The following ARRB1 variants were observed in gnomAD, a reference collection of about 807,000 sequenced individuals.
The protein encoded by ARRB1 is arrestin beta 1, also known as beta-arrestin-1.
Under a neutral mutation model 56.8 loss-of-function variants are expected in ARRB1, and 21 were observed. The ratio of observed to expected loss-of-function variants is 0.37; its 90% CI spans 0.26 to 0.53. The LOEUF (loss-of-function observed/expected upper bound fraction) is 0.53. Among genes scored for constraint, ARRB1 ranks in the 20% least tolerant of loss-of-function variants. The probability of loss-of-function intolerance (pLI) is 0.88; values close to 1 mark genes in which losing one functional copy is unlikely to be tolerated. For synonymous variants in ARRB1, 210 were observed against 218.6 expected (o/e 0.96, Z 0.35); for missense variants, 424 against 553.7 (o/e 0.77, Z 2.35).
intron 1 of ARRB1, among the ~76,000 whole-genome samples, chr11:75,294,533 G>A (rs1392004285): frequency 6.7e-6 from 1 of 150,178 alleles, no homozygotes; most frequent in African/African-American, 2.5e-5. Context: ...CTCCAGCCTG[G>A]GCAACAGAGC....
At chr11:75,339,560 T>C (rs1457401888) in intron 1 of ARRB1, among the ~76,000 whole-genome samples, 3 of 152,228 alleles carry the variant, frequency 2.0e-5, no homozygotes, top group Non-Finnish European at 4.4e-5. Flanking sequence ...GGAAGAGTAC[T>C]ACCTCTGGCT....
At chr11:75,267,576 A>T in intron 15 of ARRB1, 76 bp downstream of exon 15, 1 of 1,440,260 alleles carries the variant, frequency 6.9e-7, no homozygotes, top group Non-Finnish European at 9.6e-7. Context: ...GTTAATAAGC[A>T]TATATGCAAA....
intron 1 of ARRB1, among the ~76,000 whole-genome samples, chr11:75,338,015 G>C (rs1947635098): frequency 6.6e-6 from 1 of 152,032 alleles, no homozygotes; most frequent in Non-Finnish European, 1.5e-5. Flanking sequence ...AGATCGGCTT[G>C]AGCAAAGGCA....
At chr11:75,275,618 T>A (rs1005062973) in intron 10 of ARRB1, among the ~76,000 whole-genome samples, 1 of 152,206 alleles carries the variant, frequency 6.6e-6, no homozygotes, top group African/African-American at 2.4e-5. Context: ...TTTTGCTCTA[T>A]CCCCCATCCT....
At chr11:75,299,225 T>C (rs1008991276) in intron 1 of ARRB1, among the ~76,000 whole-genome samples, 14 of 150,044 alleles carry the variant, frequency 9.3e-5, no homozygotes, top group African/African-American at 3.5e-4. Context: ...TTATGGTATA[T>C]TACATCTCAA....
intron 1 of ARRB1, among the ~76,000 whole-genome samples, chr11:75,345,335 AAC>A (rs1947749025): frequency 6.6e-6 from 1 of 152,062 alleles, no homozygotes; most frequent in South Asian, 2.1e-4. Context: ...GGGCTGGGAC[AAC>A]AGAGTCCTTT....
chr11:75,300,544 C>T (rs1032158767), intron 1 of ARRB1, among the ~76,000 whole-genome samples: 11 of 152,162 alleles, frequency 7.2e-5, no homozygotes, highest in African/African-American at 2.7e-4. Context: ...TCAAAAAAGC[C>T]TTCAGGGCTG....
In ARRB1 at chr11:75,287,368, A is replaced by G. The variant is rs1203753826; in HGVS notation, c.59T>C (p.Val20Ala). ...KKASPNGKLT[V>A]YLGKRDFVDH... ...CACAAAGTCCCGCTTTCCCAGGTAG[A>G]CGGTGAGCTGAGGAGGAGAGGCATA... Residue 20 changes from valine (V) to alanine (A), a missense_variant, in exon 3 of 16, where the codon GTC becomes GCC. Coordinates refer to ENST00000420843, the MANE Select transcript of ARRB1 (RefSeq NM_004041.5). 1.3e-6 allele frequency: 2 copies of G among 1,560,252 alleles called. No individual in the cohort carries two copies. The highest frequency in any genetic ancestry group is 1.4e-5 in the African/African-American group (1 of 73,450).
At chr11:75,315,027 G>T (rs10899086) in intron 1 of ARRB1, among the ~76,000 whole-genome samples, 1 of 152,064 alleles carries the variant, frequency 6.6e-6, no homozygotes, top group Non-Finnish European at 1.5e-5. Context: ...CACTCGGGAC[G>T]CCTGGGTCCC....
rs745395924 is a variant in ARRB1, at chr11:75,277,467, G to A, written c.619-19C>T. 9 of 1,611,094 alleles carry A rather than the reference G, an allele frequency of 5.6e-6. No homozygotes were observed. The highest frequency in any genetic ancestry group is 6.8e-6 in the Non-Finnish European group (8 of 1,177,186). On this transcript the variant is annotated intron_variant, in intron 8 of 15. Transcript: ENST00000420843. ...AATAGATCTGGGGGGCATAAGAAGG[G>A]ACGGGGTTGGCTGGGAGGACAGCAA... is the stretch of plus-strand genomic sequence containing the variant.
intron 11 of ARRB1, 115 bp downstream of exon 11, chr11:75,273,959 A>G: frequency 6.7e-7 from 1 of 1,499,454 alleles, no homozygotes; most frequent in Non-Finnish European, 9.1e-7. Flanking sequence ...AGGCCCTGAC[A>G]AGGCTATGGA....
chr11:75,278,392 A>G (rs182746539), intron 8 of ARRB1, among the ~76,000 whole-genome samples: 6 of 152,296 alleles, frequency 3.9e-5, no homozygotes, highest in African/African-American at 1.4e-4. Context: ...AGTCCATCAC[A>G]TCTCTCAAGT....
At chr11:75,342,712 C>A (rs1947709209) in intron 1 of ARRB1, among the ~76,000 whole-genome samples, 1 of 152,082 alleles carries the variant, frequency 6.6e-6, no homozygotes, top group African/African-American at 2.4e-5. Flanking sequence ...ATGGAGCGCG[C>A]CCTCCAGAGG....
chr11:75,327,785 C>T (rs1008037278), intron 1 of ARRB1, among the ~76,000 whole-genome samples: 3 of 151,816 alleles, frequency 2.0e-5, no homozygotes, highest in Non-Finnish European at 2.9e-5. Context: ...GACGGGGTTT[C>T]GCCATGTTGG....
rs143498421 is a variant in ARRB1, at chr11:75,283,392, G to T, written c.249C>A (p.Asn83Lys). Residue 83 changes from asparagine (N) to lysine (K), a missense_variant, in exon 5 of 16, where the codon AAC (asparagine) becomes AAA (lysine). Asn to Lys is a moderately conservative substitution (Grantham distance 94, BLOSUM62 0). Around this residue, in one of 3 missense-constraint regions of ARRB1, gnomAD observed 301 missense variants for 387.9 expected, o/e 0.78. Transcript: ENST00000420843. ...LTFRKDLFVA[N>K]VQSFPPAPED... ...CGGGGGCCGGTGGGAACGACTGTAC[G>T]TTGGCCACAAACAGGTCCTTGCGAA... 6.2e-7 allele frequency: 1 copy of T among 1,614,150 alleles called. No individual in the cohort carries two copies. Among genetic ancestry groups the T allele is most frequent in the East Asian group, 2.2e-5 (1 of 44,882 alleles).
intron 1 of ARRB1, among the ~76,000 whole-genome samples, chr11:75,334,421 C>A (rs1188307068): frequency 1.3e-5 from 2 of 152,144 alleles, no homozygotes; most frequent in Admixed American, 1.3e-4. Context: ...ACCACCTCAC[C>A]CCAGCAGCTT....
chr11:75,268,167 A>G (rs1945978075), intron 14 of ARRB1, among the ~76,000 whole-genome samples: 1 of 152,176 alleles, frequency 6.6e-6, no homozygotes, highest in East Asian at 1.9e-4. Flanking sequence ...CTCTCCACTG[A>G]AAGTCTCAGA....
intron 1 of ARRB1, among the ~76,000 whole-genome samples, chr11:75,302,189 G>T (rs1946921013): frequency 6.6e-6 from 1 of 152,192 alleles, no homozygotes; most frequent in Non-Finnish European, 1.5e-5. Flanking sequence ...GTCAGGGGTG[G>T]TGGCTGGGGA....
At chr11:75,313,075 A>G in intron 1 of ARRB1, among the ~76,000 whole-genome samples, 1 of 152,184 alleles carries the variant, frequency 6.6e-6, no homozygotes, top group South Asian at 2.1e-4. Flanking sequence ...CCCTCAGGCC[A>G]GGTGTGGTGG....
Sources: gnomAD v4.1 joint callset for allele counts (sites outside exome capture counted in the v4.1 genomes callset) on GRCh38, gnomAD v4.1.1 for gene constraint, gnomAD v4.1.1 regional missense constraint, MANE v1.5 for transcripts, NCBI Gene and HGNC (gene_info 2026-07-23, HGNC 2026-07-21) for gene names.